The following ACSS3 variants were observed in gnomAD, a reference collection of about 807,000 sequenced individuals.
The protein encoded by ACSS3 is acyl-CoA synthetase short chain family member 3, also known as acyl-CoA synthetase short-chain family member 3, mitochondrial.
In ACSS3, 64 loss-of-function variants were observed where a neutral mutation model predicts 84.2. That is an observed-to-expected ratio of 0.76 (90% CI 0.62 to 0.94). The LOEUF (loss-of-function observed/expected upper bound fraction) is 0.94. Ranked by LOEUF, ACSS3 falls within the 40% of genes least tolerant of loss-of-function variation. The pLI, the probability that ACSS3 is intolerant of heterozygous loss-of-function variation, is 0.00. For missense variants in ACSS3, 815 were observed against 867.6 expected, an observed-to-expected ratio of 0.94 and a Z score of 0.76; for synonymous variants, 317 against 310.1, an observed-to-expected ratio of 1.02 and a Z score of -0.23.
chr12:81,182,231 G>T (rs6539561), intron 8 of ACSS3, among the ~76,000 whole-genome samples: 56,955 of 151,994 alleles, frequency 0.37, 11,879 homozygotes, highest in Non-Finnish European at 0.47. Context: ...CAGGCCAGGG[G>T]AAAATGGCAT....
intron 10 of ACSS3, among the ~76,000 whole-genome samples, chr12:81,219,709 C>A (rs2033038401): frequency 6.6e-6 from 1 of 151,914 alleles, no homozygotes; most frequent in African/African-American, 2.4e-5. Flanking sequence ...TTTAATGCTT[C>A]TAATAGATTA....
At chr12:81,100,372 C>T (rs73147309) in intron 1 of ACSS3, among the ~76,000 whole-genome samples, 11,761 of 151,968 alleles carry the variant, frequency 0.077, 583 homozygotes, top group Non-Finnish European at 0.11. Context: ...CTTTACAGAT[C>T]GCTTTGGGGA....
chr12:81,136,403 C>T (rs2121561338), intron 3 of ACSS3, among the ~76,000 whole-genome samples: 1 of 152,106 alleles, frequency 6.6e-6, no homozygotes, highest in African/African-American at 2.4e-5. Flanking sequence ...GTGCATTTTT[C>T]AATAATATTT....
intron 2 of ACSS3, among the ~76,000 whole-genome samples, chr12:81,110,545 A>G (rs964008928): frequency 2.6e-5 from 4 of 152,230 alleles, no homozygotes; most frequent in Non-Finnish European, 5.9e-5. Flanking sequence ...AACATTTACT[A>G]AAAATGATTT....
In ACSS3 at chr12:81,259,324, A is replaced by G. The variant is rs1403847398; in HGVS notation, c.*4402A>G. 6 of 478,530 alleles carry G rather than the reference A, an allele frequency of 1.3e-5. No individual in the cohort carries two copies. Among genetic ancestry groups the G allele is most frequent in the Non-Finnish European group, 2.3e-5 (6 of 258,978 alleles). The allele number at this position is 478,530 out of a possible 1,614,324, so 29.6% of individuals were successfully genotyped here. A position where few individuals can be genotyped will look rare whatever the true frequency, so the allele number is the denominator to read the frequency against. ...TCATATTTATATCCATTTACATAAG[A>G]CTTACACATTTAAAAAGAAATGCAC... On this transcript the variant is annotated 3_prime_UTR_variant, in exon 16 of 16. Transcript: ENST00000548058.
chr12:81,211,395 T>G (rs2032586817), intron 9 of ACSS3, among the ~76,000 whole-genome samples: 1 of 152,206 alleles, frequency 6.6e-6, no homozygotes, highest in Non-Finnish European at 1.5e-5. Flanking sequence ...TTAAGGATTT[T>G]TTATAAGAAC....
intron 5 of ACSS3, among the ~76,000 whole-genome samples, chr12:81,148,910 A>AT (rs1227156928): frequency 6.6e-6 from 1 of 150,444 alleles, no homozygotes; most frequent in Non-Finnish European, 1.5e-5. Context: ...AAAAAAAAAA[A>AT]AAAAAAAAAA....
chr12:81,079,556 A>G (rs1045599738), intron 1 of ACSS3, among the ~76,000 whole-genome samples: 1 of 152,196 alleles, frequency 6.6e-6, no homozygotes, highest in African/African-American at 2.4e-5. Context: ...TGTGGGGATG[A>G]CATGGTGTTC....
chr12:81,128,359 A>G (rs919530663), intron 2 of ACSS3, among the ~76,000 whole-genome samples: 3 of 152,170 alleles, frequency 2.0e-5, no homozygotes, highest in Non-Finnish European at 4.4e-5. Context: ...TGATTCATCT[A>G]ATTTCTAGTG....
intron 1 of ACSS3, among the ~76,000 whole-genome samples, chr12:81,092,930 G>C (rs555682005): frequency 6.6e-6 from 1 of 152,266 alleles, no homozygotes; most frequent in African/African-American, 2.4e-5. Flanking sequence ...TAGCATTAAA[G>C]TTATGTCCAA....
At chr12:81,250,714 G>T (rs1172021883) in intron 13 of ACSS3, among the ~76,000 whole-genome samples, 1 of 152,010 alleles carries the variant, frequency 6.6e-6, no homozygotes, top group East Asian at 1.9e-4. Flanking sequence ...AGGAACTCAG[G>T]TACAGAGAGT....
At chr12:81,147,182 C>T (rs1296814522) in intron 5 of ACSS3, among the ~76,000 whole-genome samples, 1 of 152,118 alleles carries the variant, frequency 6.6e-6, no homozygotes, top group Admixed American at 6.5e-5. Context: ...GCTTCAGAAT[C>T]ATCTGAAAAC....
chr12:81,091,532 A>G (rs1277979684), intron 1 of ACSS3, among the ~76,000 whole-genome samples: 1 of 152,062 alleles, frequency 6.6e-6, no homozygotes, highest in Non-Finnish European at 1.5e-5. Context: ...TTTCAAGAGC[A>G]GTCTGAAAAT....
At chr12:81,145,978 C>A (rs1435045704) in intron 5 of ACSS3, among the ~76,000 whole-genome samples, 2 of 152,172 alleles carry the variant, frequency 1.3e-5, no homozygotes, top group Non-Finnish European at 2.9e-5. Flanking sequence ...TTCCAGTGGA[C>A]TTTAGGGTTG....
chr12:81,150,073 G>T (rs1566004430), intron 5 of ACSS3, among the ~76,000 whole-genome samples: 1 of 152,064 alleles, frequency 6.6e-6, no homozygotes, highest in Non-Finnish European at 1.5e-5. Flanking sequence ...TTTTACAATT[G>T]AATTACTACT....
At chr12:81,222,852 A>C in intron 11 of ACSS3, among the ~76,000 whole-genome samples, 1 of 152,180 alleles carries the variant, frequency 6.6e-6, no homozygotes, top group Non-Finnish European at 1.5e-5. Flanking sequence ...TTACATTCAT[A>C]GAATTTATCT....
intron 7 of ACSS3, among the ~76,000 whole-genome samples, chr12:81,172,730 A>G (rs2030169095): frequency 6.6e-6 from 1 of 152,210 alleles, no homozygotes; most frequent in African/African-American, 2.4e-5. Flanking sequence ...TTTGATCTGC[A>G]TTTAATATCA....
At chr12:81,246,346 C>T (rs2033984248) in intron 13 of ACSS3, among the ~76,000 whole-genome samples, 1 of 152,146 alleles carries the variant, frequency 6.6e-6, no homozygotes, top group African/African-American at 2.4e-5. Flanking sequence ...GAGGACAAAA[C>T]CTGTTTTATG....
intron 9 of ACSS3, among the ~76,000 whole-genome samples, chr12:81,200,675 A>C (rs2135899726): frequency 6.6e-6 from 1 of 152,158 alleles, no homozygotes; most frequent in South Asian, 2.1e-4. Context: ...AGATCACTTG[A>C]GATCACTTGA....
Sources: gnomAD v4.1 joint callset for allele counts (sites outside exome capture counted in the v4.1 genomes callset) on GRCh38, gnomAD v4.1.1 for gene constraint, MANE v1.5 for transcripts, NCBI Gene and HGNC (gene_info 2026-07-23, HGNC 2026-07-21) for gene names.